Variants in NRXN1 observed in about 807,000 individuals in gnomAD.
NRXN1 encodes neurexin 1, also known as neurexin-1.
Under a neutral mutation model 150.9 loss-of-function variants are expected in NRXN1, and 39 were observed. The ratio of observed to expected loss-of-function variants is 0.26; its 90% CI spans 0.20 to 0.34. The LOEUF (loss-of-function observed/expected upper bound fraction) is 0.34, where lower values mean the gene tolerates loss of function less well. NRXN1 is among the 10% of genes least tolerant of loss of function. The pLI is 1.00. For missense variants in NRXN1, 1,815 were observed against 1,949.9 expected, an observed-to-expected ratio of 0.93 and a Z score of 1.30; for synonymous variants, 924 against 757.0, an observed-to-expected ratio of 1.22 and a Z score of -3.62.
Position 50,348,218 on chromosome 2 carries a change from T to C in NRXN1, c.3365-111248A>G, listed in dbSNP as rs115682470. Among the ~76,000 whole-genome samples, 1,409 of 152,276 alleles carry C rather than the reference T, an allele frequency of 9.3e-3. 16 individuals carry two copies. The highest frequency in any genetic ancestry group is 0.032 in the African/African-American group (1,338 of 41,544). On this transcript the variant is annotated intron_variant, in intron 17 of 22. Transcript: ENST00000401669. ...ATCTGTTAATCACATATGTTACTCA[T>C]AACAAGGATTCTTCTTCCCATTACC...
intron 21 of NRXN1, among the ~76,000 whole-genome samples, chr2:49,996,144 A>AATTATTTG: frequency 6.6e-6 from 1 of 152,266 alleles, no homozygotes; most frequent in East Asian, 1.9e-4. Flanking sequence ...CTTGTATTAA[A>AATTATTTG]ATTATTTGTG....
At chr2:50,002,855 T>A (rs551614076) in intron 21 of NRXN1, among the ~76,000 whole-genome samples, 182 of 152,074 alleles carry the variant, frequency 1.2e-3, no homozygotes, top group African/African-American at 4.0e-3. Flanking sequence ...TGGGGGAAAA[T>A]AGATGAACAA....
At chr2:50,480,536 T>C (rs1268683041) in intron 15 of NRXN1, among the ~76,000 whole-genome samples, 2 of 152,198 alleles carry the variant, frequency 1.3e-5, no homozygotes, top group Non-Finnish European at 2.9e-5. Context: ...TGTGTGTGTC[T>C]GTAGAACACA....
intron 16 of NRXN1, among the ~76,000 whole-genome samples, chr2:50,471,272 G>A (rs1038255537): frequency 6.6e-6 from 1 of 151,430 alleles, no homozygotes; most frequent in African/African-American, 2.4e-5. Flanking sequence ...TCCAGCTTGT[G>A]AGCCTCCAAT....
chr2:50,700,717 T>G (rs1281547427), intron 5 of NRXN1, among the ~76,000 whole-genome samples: 1 of 6,082 alleles, frequency 1.6e-4, no homozygotes, highest in African/African-American at 8.3e-3. Flanking sequence ...TATTTATTGA[T>G]TTGCTCATTC....
At chr2:50,277,075 T>G (rs772416422) in intron 17 of NRXN1, among the ~76,000 whole-genome samples, 12 of 152,122 alleles carry the variant, frequency 7.9e-5, no homozygotes, top group Non-Finnish European at 1.2e-4. Flanking sequence ...AGTAGAAATA[T>G]TCGTTCAGAA....
intron 17 of NRXN1, among the ~76,000 whole-genome samples, chr2:50,426,452 AT>A (rs1027946609): frequency 6.6e-6 from 1 of 152,152 alleles, no homozygotes; most frequent in Non-Finnish European, 1.5e-5. Context: ...TTATAAATGA[AT>A]TTTTTAATAG....
rs1270817265 is a variant in NRXN1 at position 50,732,940 on chromosome 2, A to T, written c.833-109325T>A. 4.6e-5 allele frequency among the ~76,000 whole-genome samples: 7 copies of T among 152,270 alleles called. No individual in the cohort carries two copies. In the South Asian group the frequency reaches 1.5e-3, roughly 32 times the overall value. On this transcript the variant is annotated intron_variant, in intron 5 of 22. Transcript: ENST00000401669. Reference sequence around the variant, plus strand: ...TGTTCTGTTTTGTGATTCACACCCAATGATTTGTGTATTGTAACAACTAGC... The same window carrying T: ...TGTTCTGTTTTGTGATTCACACCCATTGATTTGTGTATTGTAACAACTAGC...
intron 19 of NRXN1, among the ~76,000 whole-genome samples, chr2:50,067,997 T>C (rs939178324): frequency 6.6e-6 from 1 of 152,116 alleles, no homozygotes; most frequent in Admixed American, 6.5e-5. Context: ...TTCAAATTGG[T>C]CCACGGAAAA....
At chr2:50,592,314 A>T (rs1350177791) in intron 8 of NRXN1, among the ~76,000 whole-genome samples, 3 of 152,252 alleles carry the variant, frequency 2.0e-5, no homozygotes, top group Non-Finnish European at 4.4e-5. Flanking sequence ...GGCAAATGAC[A>T]CCAGAGTGAT....
At chr2:50,516,872 TCAGA>T (rs1253104185) in intron 12 of NRXN1, among the ~76,000 whole-genome samples, 1 of 152,160 alleles carries the variant, frequency 6.6e-6, no homozygotes, top group Non-Finnish European at 1.5e-5. Context: ...TGATATAAAG[TCAGA>T]CATTCAGCTT....
At chr2:50,464,594 T>A (rs371447453) in intron 17 of NRXN1, 1 of 151,970 alleles carries the variant, frequency 6.6e-6, no homozygotes, top group East Asian at 1.9e-4. Flanking sequence ...TATTCCATCA[T>A]CCTGGAGGTT....
chr2:50,626,931 A>G (rs1259115001), intron 5 of NRXN1, among the ~76,000 whole-genome samples: 1 of 151,942 alleles, frequency 6.6e-6, no homozygotes, highest in Non-Finnish European at 1.5e-5. Context: ...CACACACAAA[A>G]GAAATGTAAT....
intron 5 of NRXN1, among the ~76,000 whole-genome samples, chr2:50,899,225 A>G (rs1682524255): frequency 6.6e-6 from 1 of 152,220 alleles, no homozygotes; most frequent in Non-Finnish European, 1.5e-5. Context: ...CGCCACATCA[A>G]TAATTTGAAT....
chr2:50,163,403 G>C (rs2059484860), intron 18 of NRXN1, among the ~76,000 whole-genome samples: 1 of 151,916 alleles, frequency 6.6e-6, no homozygotes, highest in Non-Finnish European at 1.5e-5. Flanking sequence ...CAAACCATTG[G>C]CCTCTGCAAC....
Position 50,346,137 on chromosome 2 carries a change from A to T in NRXN1, c.3365-109167T>A, listed in dbSNP as rs992459322. Reference sequence around the variant, plus strand: ...AAGGGAAGGCGTGGGGGCAAAAGTAATTGGCCTCCTGTTGAGTGAGTCCCA... The same window carrying T: ...AAGGGAAGGCGTGGGGGCAAAAGTATTTGGCCTCCTGTTGAGTGAGTCCCA... On this transcript the variant is annotated intron_variant, in intron 17 of 22. Transcript: ENST00000401669. The surrounding 1 kb of genome is among the most constrained non-coding windows in gnomAD (Gnocchi z 5.0). Among the ~76,000 whole-genome samples, 24 of 152,278 alleles carry T rather than the reference A, an allele frequency of 1.6e-4. No individual in the cohort carries two copies. Among genetic ancestry groups the T allele is most frequent in the Admixed American group, 7.2e-4 (11 of 15,308 alleles).
intron 17 of NRXN1, among the ~76,000 whole-genome samples, chr2:50,399,595 C>T (rs1021103445): frequency 2.6e-5 from 4 of 151,482 alleles, no homozygotes; most frequent in Non-Finnish European, 4.4e-5. Flanking sequence ...TGCCCAGGGC[C>T]CATCACTTGT....
intron 21 of NRXN1, among the ~76,000 whole-genome samples, chr2:49,947,100 A>T (rs1673045168): frequency 6.6e-6 from 1 of 152,144 alleles, no homozygotes; most frequent in South Asian, 2.1e-4. Context: ...AATTCCCTCC[A>T]GAGGAGATAA....
chr2:50,355,504 A>C (rs1331622946), intron 17 of NRXN1, among the ~76,000 whole-genome samples: 1 of 151,972 alleles, frequency 6.6e-6, no homozygotes, highest in Non-Finnish European at 1.5e-5. Context: ...CAAACACCCC[A>C]GGCTCCAGCC....
Sources: gnomAD v4.1 joint callset for allele counts (sites outside exome capture counted in the v4.1 genomes callset) on GRCh38, gnomAD v4.1.1 for gene constraint, Gnocchi (gnomAD v3.1) non-coding constraint, MANE v1.5 for transcripts, NCBI Gene and HGNC (gene_info 2026-07-23, HGNC 2026-07-21) for gene names.